Variants in APPBP2 observed in about 807,000 individuals in gnomAD.
APPBP2 encodes the protein amyloid beta precursor protein binding protein 2.
A neutral mutation model predicts 76.0 loss-of-function variants in APPBP2; 15 were observed. That is an observed-to-expected ratio of 0.20 (90% CI 0.13 to 0.30). The LOEUF (loss-of-function observed/expected upper bound fraction) is 0.30, where lower values mean the gene tolerates loss of function less well. Ranked by LOEUF, APPBP2 falls within the 10% of genes least tolerant of loss-of-function variation. APPBP2 has a pLI of 1.00. For synonymous variants in APPBP2, 222 were observed against 242.2 expected (o/e 0.92, Z 0.77); for missense variants, 401 against 687.2 (o/e 0.58, Z 4.66).
intron 2 of APPBP2, among the ~76,000 whole-genome samples, chr17:60,495,297 A>G (rs1335816279): frequency 2.0e-5 from 3 of 151,730 alleles, no homozygotes; most frequent in South Asian, 2.1e-4. Flanking sequence ...ATATGAACAG[A>G]TATTTCTCCA....
At chr17:60,463,609 T>C (rs775007201) in intron 6 of APPBP2, among the ~76,000 whole-genome samples, 2 of 152,226 alleles carry the variant, frequency 1.3e-5, no homozygotes, top group African/African-American at 4.8e-5. Context: ...ACTGCAATAC[T>C]ATGACAAAGA....
intron 3 of APPBP2, among the ~76,000 whole-genome samples, chr17:60,483,574 TAGTAGAGACGGGGTTTC>T (rs2090648519): frequency 6.6e-6 from 1 of 152,102 alleles, no homozygotes; most frequent in Non-Finnish European, 1.5e-5. Context: ...TTTGTATTTT[TAGTAGAGACGGGGTTTC>T]ACCATGTTAG....
chr17:60,524,610 G>GAAAAAAAA (rs35185909), intron 1 of APPBP2, among the ~76,000 whole-genome samples: 20 of 49,936 alleles, frequency 4.0e-4, no homozygotes, highest in African/African-American at 9.2e-4. Context: ...TGCTAATTCT[G>GAAAAAAAA]AAAAAAAAAA....
At position 60,499,117 on chromosome 17, in the gene APPBP2, G is replaced by C. The variant is rs113092015; in HGVS notation, c.227+1282C>G. On this transcript the variant is annotated intron_variant, in intron 2 of 12. Coordinates refer to ENST00000083182, the MANE Select transcript of APPBP2 (RefSeq NM_006380.5). ...AGACTGAGACAAGAGGATCACTTGA[G>C]CCCAGGAGTTCGAGACCAGCCTGGG... Among the ~76,000 whole-genome samples, 20 of 152,278 alleles carry C rather than the reference G, an allele frequency of 1.3e-4. No individual in the cohort carries two copies. In the East Asian group the frequency reaches 3.9e-3, roughly 29 times the overall value.
chr17:60,506,926 C>T (rs1232119490), intron 1 of APPBP2, among the ~76,000 whole-genome samples: 5 of 152,148 alleles, frequency 3.3e-5, no homozygotes, highest in African/African-American at 1.2e-4. Flanking sequence ...GTCCCAGCTA[C>T]TTGGGAAGCT....
At chr17:60,520,138 T>C (rs1040688901) in intron 1 of APPBP2, among the ~76,000 whole-genome samples, 3 of 152,140 alleles carry the variant, frequency 2.0e-5, no homozygotes, top group African/African-American at 7.2e-5. Context: ...AGGCTGTATG[T>C]AGCTATACAA....
At chr17:60,474,131 T>C (rs1262106542) in intron 4 of APPBP2, among the ~76,000 whole-genome samples, 2 of 152,114 alleles carry the variant, frequency 1.3e-5, no homozygotes, top group Non-Finnish European at 2.9e-5. Flanking sequence ...TATAAGGTCA[T>C]GACCTCCAGA....
intron 4 of APPBP2, among the ~76,000 whole-genome samples, chr17:60,472,919 A>G (rs1185619677): frequency 1.3e-5 from 2 of 152,170 alleles, no homozygotes; most frequent in Non-Finnish European, 2.9e-5. Flanking sequence ...ACATTCTATT[A>G]TCAATATCCC....
At chr17:60,502,777 C>T (rs776019750) in intron 1 of APPBP2, among the ~76,000 whole-genome samples, 2 of 145,912 alleles carry the variant, frequency 1.4e-5, no homozygotes, top group Non-Finnish European at 2.9e-5. Context: ...CGCTTGAACT[C>T]GTAAGACAGG....
chr17:60,518,068 C>CGTTTT (rs1418644039), intron 1 of APPBP2, among the ~76,000 whole-genome samples: 2 of 122,366 alleles, frequency 1.6e-5, no homozygotes, highest in African/African-American at 5.5e-5. Flanking sequence ...TTACAATTTC[C>CGTTTT]TTTTTTTTTT....
chr17:60,491,868 T>C (rs2090732297), intron 3 of APPBP2, among the ~76,000 whole-genome samples: 1 of 152,208 alleles, frequency 6.6e-6, no homozygotes, highest in Admixed American at 6.5e-5. Flanking sequence ...GAAATTTGCA[T>C]GAGTAACGAG....
chr17:60,512,366 G>A (rs1196863774), intron 1 of APPBP2, among the ~76,000 whole-genome samples: 1 of 151,976 alleles, frequency 6.6e-6, no homozygotes, highest in African/African-American at 2.4e-5. Flanking sequence ...GCCTCCCAAA[G>A]AGGTGTTTTA....
intron 1 of APPBP2, among the ~76,000 whole-genome samples, chr17:60,503,424 G>C (rs1402679101): frequency 1.4e-5 from 2 of 142,966 alleles, no homozygotes; most frequent in East Asian, 4.0e-4. Context: ...TTTTGCTCTT[G>C]TTGCCCAGGC....
At chr17:60,458,659 G>A (rs1259210014) in intron 9 of APPBP2, among the ~76,000 whole-genome samples, 4 of 152,008 alleles carry the variant, frequency 2.6e-5, no homozygotes, top group African/African-American at 9.7e-5. Flanking sequence ...GCATGGCTAT[G>A]TTCCAGTAAA....
At chr17:60,451,151 G>A (rs2090392050) in intron 12 of APPBP2, among the ~76,000 whole-genome samples, 1 of 152,142 alleles carries the variant, frequency 6.6e-6, no homozygotes, top group South Asian at 2.1e-4. Flanking sequence ...CACCATTATT[G>A]TTCACCAATA....
intron 1 of APPBP2, among the ~76,000 whole-genome samples, chr17:60,520,305 G>C (rs1025507181): frequency 6.6e-6 from 1 of 152,086 alleles, no homozygotes; most frequent in East Asian, 1.9e-4. Context: ...GGGCGCAGTG[G>C]CTCACTCCTG....
At chr17:60,475,992 A>C (rs2090588209) in intron 4 of APPBP2, among the ~76,000 whole-genome samples, 1 of 152,166 alleles carries the variant, frequency 6.6e-6, no homozygotes. Context: ...GTCATCCCCC[A>C]AAAACAAGCC....
intron 3 of APPBP2, among the ~76,000 whole-genome samples, chr17:60,487,277 T>C (rs2090687393): frequency 6.6e-6 from 1 of 152,186 alleles, no homozygotes; most frequent in Non-Finnish European, 1.5e-5. Context: ...CTGGATAATA[T>C]CCTGAAGTGT....
At chr17:60,500,561 T>A in intron 1 of APPBP2, 74 bp from the exon 2 acceptor site, 5 of 1,044,832 alleles carry the variant, frequency 4.8e-6, no homozygotes, top group Non-Finnish European at 7.1e-6. Context: ...ATTTGATAAA[T>A]GTAATTTGAT....
Sources: allele counts gnomAD v4.1 joint callset (sites outside exome capture counted in the v4.1 genomes callset), GRCh38; gene constraint gnomAD v4.1.1; transcripts MANE v1.5; gene names NCBI Gene and HGNC (gene_info 2026-07-23, HGNC 2026-07-21).